Variants in STK32B observed in about 807,000 individuals in gnomAD.
STK32B encodes serine/threonine kinase 32B, also known as serine/threonine-protein kinase 32B.
Under a neutral mutation model 52.6 loss-of-function variants are expected in STK32B, and 43 were observed. That is an observed-to-expected ratio of 0.82 (90% CI 0.64 to 1.05). The LOEUF is 1.05. STK32B is among the 50% of genes least tolerant of loss of function. The probability of loss-of-function intolerance (pLI) is 0.00; values close to 1 mark genes in which losing one functional copy is unlikely to be tolerated. For missense variants in STK32B, 621 were observed against 534.6 expected (o/e 1.16, Z -1.59); for synonymous variants, 238 against 204.3 (o/e 1.17, Z -1.41).
At chr4:5,428,110 G>C (rs1362249485) in intron 6 of STK32B, among the ~76,000 whole-genome samples, 1 of 151,846 alleles carries the variant, frequency 6.6e-6, no homozygotes, top group Non-Finnish European at 1.5e-5. Context: ...ATTTCATTCA[G>C]TTAAAAACAT....
intron 1 of STK32B, among the ~76,000 whole-genome samples, chr4:5,099,432 C>CTG (rs746438820): frequency 0.42 from 58,506 of 138,738 alleles, 12,659 homozygotes; most frequent in African/African-American, 0.58. Flanking sequence ...CTGCAGTCCT[C>CTG]TGTGTGTGTG....
chr4:5,493,280 A>G (rs999754875), intron 11 of STK32B, among the ~76,000 whole-genome samples: 114 of 152,226 alleles, frequency 7.5e-4, no homozygotes, highest in Non-Finnish European at 1.4e-3. Context: ...CTATTCAGAG[A>G]TTCAACTTCT....
chr4:5,084,160 G>T (rs77956409), intron 1 of STK32B, among the ~76,000 whole-genome samples: 4,111 of 152,220 alleles, frequency 0.027, 173 homozygotes, highest in African/African-American at 0.094. Context: ...TCATATTTTA[G>T]ATATAATTTG....
chr4:5,123,612 C>T (rs750169499), intron 1 of STK32B, among the ~76,000 whole-genome samples: 1 of 152,126 alleles, frequency 6.6e-6, no homozygotes, highest in Non-Finnish European at 1.5e-5. Flanking sequence ...TATACGGCCA[C>T]CTTCCCTCTG....
At chr4:5,350,348 T>C (rs372211775) in intron 4 of STK32B, among the ~76,000 whole-genome samples, 10 of 152,192 alleles carry the variant, frequency 6.6e-5, no homozygotes, top group African/African-American at 1.9e-4. Context: ...ATAAAGTCTT[T>C]CCCAGACAAG....
At chr4:5,485,538 T>G (rs1299263575) in intron 11 of STK32B, among the ~76,000 whole-genome samples, 1 of 152,200 alleles carries the variant, frequency 6.6e-6, no homozygotes, top group Non-Finnish European at 1.5e-5. Flanking sequence ...TCAAACTTCC[T>G]CCTTTAGCTC....
intron 3 of STK32B, among the ~76,000 whole-genome samples, chr4:5,277,108 G>C (rs1282107337): frequency 6.6e-6 from 1 of 152,172 alleles, no homozygotes; most frequent in Non-Finnish European, 1.5e-5. Context: ...AAAGACAACA[G>C]GTTGGTTGGT....
intron 3 of STK32B, among the ~76,000 whole-genome samples, chr4:5,186,749 C>T (rs1399072584): frequency 6.6e-6 from 1 of 152,188 alleles, no homozygotes; most frequent in South Asian, 2.1e-4. Flanking sequence ...TGGTAACACC[C>T]ATAAATAGAG....
At chr4:5,123,850 C>A (rs534552133) in intron 1 of STK32B, among the ~76,000 whole-genome samples, 1 of 34,604 alleles carries the variant, frequency 2.9e-5, no homozygotes, top group Non-Finnish European at 9.1e-5. Context: ...ATGATTACCA[C>A]CACCACCACC....
chr4:5,068,859 TG>T lies in STK32B; in HGVS notation c.52+16945del, dbSNP rs1260455882. 3.3e-5 allele frequency among the ~76,000 whole-genome samples: 5 copies of T among 152,336 alleles called. No individual in the cohort carries two copies. The East Asian group carries it at 9.6e-4, about 29-fold the overall frequency. On this transcript the variant is annotated intron_variant, in intron 1 of 11. Coordinates refer to ENST00000282908, the MANE Select transcript of STK32B (RefSeq NM_018401.3). ...AACAATGATATTCAGTGTAGTGAGA[TG>T]TTTTTCATTAACGTATTCATTATTT...
At chr4:5,190,902 G>A (rs1721141995) in intron 3 of STK32B, among the ~76,000 whole-genome samples, 1 of 152,290 alleles carries the variant, frequency 6.6e-6, no homozygotes, top group South Asian at 2.1e-4. Context: ...CACATAGTTT[G>A]CAGGAAGCGG....
chr4:5,425,070 G>A (rs1712971217), intron 6 of STK32B, among the ~76,000 whole-genome samples: 1 of 152,252 alleles, frequency 6.6e-6, no homozygotes, highest in Non-Finnish European at 1.5e-5. Context: ...GCCACAGCCA[G>A]GATGCCTAGC....
chr4:5,139,110 G>T (rs1716248581), intron 1 of STK32B, among the ~76,000 whole-genome samples: 1 of 152,210 alleles, frequency 6.6e-6, no homozygotes, highest in Admixed American at 6.5e-5. Context: ...TTAGACCAGA[G>T]CAGTGGCCAT....
chr4:5,342,379 G>C (rs137893888), intron 4 of STK32B, among the ~76,000 whole-genome samples: 3,951 of 152,242 alleles, frequency 0.026, 155 homozygotes, highest in African/African-American at 0.088. Context: ...CATAAAAAAG[G>C]ATGAGTTCAT....
intron 3 of STK32B, among the ~76,000 whole-genome samples, chr4:5,265,512 G>A (rs752334523): frequency 6.6e-6 from 1 of 152,186 alleles, no homozygotes; most frequent in African/African-American, 2.4e-5. Context: ...TAATTGAAAT[G>A]ATGGGGTCCC....
intron 3 of STK32B, among the ~76,000 whole-genome samples, chr4:5,218,649 T>TGAGGC (rs1723331393): frequency 6.6e-6 from 1 of 152,142 alleles, no homozygotes. Flanking sequence ...ATAGGAGAGG[T>TGAGGC]GAGGCGAGGT....
Position 5,063,217 on chromosome 4 carries a change from G to A in STK32B, c.52+11302G>A, listed in dbSNP as rs28545797. Among the ~76,000 whole-genome samples the A allele has an allele frequency of 6.8e-3, 1,037 of 152,330 alleles. 16 individuals are homozygous for A. The highest frequency in any genetic ancestry group is 0.023 in the African/African-American group (964 of 41,556). On this transcript the variant is annotated intron_variant, in intron 1 of 11. Coordinates refer to ENST00000282908, the MANE Select transcript of STK32B (RefSeq NM_018401.3). The stretch of plus-strand genomic sequence containing the variant: ...ATTAATTTACACTCTGGCAAGCCAT[G>A]TGTAGGCATTTCCATTGCTCTACAT...
the STK32B span, among the ~76,000 whole-genome samples, chr4:5,037,054 C>T: frequency 3.9e-5 from 6 of 152,132 alleles, no homozygotes; most frequent in Non-Finnish European, 8.8e-5. Flanking sequence ...GGGTCTGGAG[C>T]AGGGTGTCTG....
intron 3 of STK32B, among the ~76,000 whole-genome samples, chr4:5,311,466 G>C (rs1220872092): frequency 2.0e-5 from 3 of 152,124 alleles, no homozygotes; most frequent in South Asian, 2.1e-4. Context: ...GAAAATAGGA[G>C]AACAGTAGAG....
Sources: gnomAD v4.1 joint callset for allele counts (sites outside exome capture counted in the v4.1 genomes callset) on GRCh38, gnomAD v4.1.1 for gene constraint, MANE v1.5 for transcripts, NCBI Gene and HGNC (gene_info 2026-07-23, HGNC 2026-07-21) for gene names.